The following SBDS variants were observed in gnomAD, a reference collection of about 807,000 sequenced individuals.
SBDS encodes SBDS ribosome maturation factor, also known as ribosome maturation protein SBDS.
In SBDS, 20 loss-of-function variants were observed where a neutral mutation model predicts 26.4. The ratio of observed to expected loss-of-function variants is 0.76; its 90% CI spans 0.53 to 1.10. SBDS has a LOEUF of 1.10. Among genes scored for constraint, SBDS ranks in the 50% least tolerant of loss-of-function variants. SBDS has a pLI of 0.00. For synonymous variants in SBDS, 95 were observed against 105.1 expected, an observed-to-expected ratio of 0.90 and a Z score of 0.59; for missense variants, 241 against 302.0, an observed-to-expected ratio of 0.80 and a Z score of 1.50.
At chr7:66,989,447 A>G (rs1407988877) in intron 4 of SBDS, among the ~76,000 whole-genome samples, 1 of 151,980 alleles carries the variant, frequency 6.6e-6, no homozygotes, top group Non-Finnish European at 1.5e-5. Flanking sequence ...CGGGAGGCTG[A>G]GGCAGGAGAA....
chr7:66,988,895 GTTAAT>G (rs1391800441), intron 4 of SBDS, among the ~76,000 whole-genome samples: 1 of 152,014 alleles, frequency 6.6e-6, no homozygotes, highest in Non-Finnish European at 1.5e-5. Context: ...CCATGTGTAT[GTTAAT>G]TTATTTTTTT....
At position 66,994,038 on chromosome 7, in the gene SBDS, A is replaced by AAC. The variant is rs760519120; in HGVS notation, c.258+173_258+174insGT. Among the ~76,000 whole-genome samples the AAC allele has an allele frequency of 1.2e-3, 184 of 148,086 alleles. 1 individual carries two copies. The highest frequency in any genetic ancestry group is 3.0e-3 in the East Asian group (15 of 4,988). ...TTTTGGCAAAAAAAAAAAAAAAAAA[A>AAC]CCACAAAAAACAAACAAAACCACCA... is the stretch of plus-strand genomic sequence containing the variant. On this transcript the variant is annotated intron_variant, in intron 2 of 4. Transcript: ENST00000246868.
chr7:66,993,476 T>G (rs1793019128), intron 2 of SBDS, 59 bp from the exon 3 acceptor site: 1 of 1,334,392 alleles, frequency 7.5e-7, no homozygotes, highest in African/African-American at 1.4e-5. Context: ...ACACTATTTA[T>G]TAACTAACCA....
At chr7:66,991,795 G>C (rs938176707) in intron 3 of SBDS, among the ~76,000 whole-genome samples, 3 of 152,052 alleles carry the variant, frequency 2.0e-5, no homozygotes, top group African/African-American at 7.2e-5. Context: ...CTCAAAAGAA[G>C]ACAGACGAGG....
chr7:66,990,266 C>T (rs1792947481), intron 4 of SBDS, among the ~76,000 whole-genome samples: 1 of 152,218 alleles, frequency 6.6e-6, no homozygotes, highest in Non-Finnish European at 1.5e-5. Context: ...GATCCACCTG[C>T]CTTGGCCTCC....
intron 4 of SBDS, among the ~76,000 whole-genome samples, chr7:66,989,365 G>C (rs1792929307): frequency 6.6e-6 from 1 of 151,784 alleles, no homozygotes. Flanking sequence ...GACCAACATG[G>C]AGAGACCCCG....
chr7:66,990,084 A>G (rs1289785942), intron 4 of SBDS, among the ~76,000 whole-genome samples: 1 of 151,512 alleles, frequency 6.6e-6, no homozygotes, highest in Non-Finnish European at 1.5e-5. Context: ...CAATGGTGCA[A>G]TCTTGGCTCA....
At chr7:66,988,754 C>T (rs536382991) in intron 4 of SBDS, among the ~76,000 whole-genome samples, 14 of 152,252 alleles carry the variant, frequency 9.2e-5, no homozygotes, top group Admixed American at 8.5e-4. Flanking sequence ...GATTCTTCAG[C>T]TGTAAATGGA....
At chr7:66,992,605 A>C (rs187746975) in intron 3 of SBDS, among the ~76,000 whole-genome samples, 59 of 152,246 alleles carry the variant, frequency 3.9e-4, no homozygotes, top group African/African-American at 1.2e-3. Context: ...ACTTGAAAAA[A>C]AAAAATTACC....
At chr7:66,994,376 A>G in intron 1 of SBDS, 35 bp from the exon 2 acceptor site, 1 of 1,604,740 alleles carries the variant, frequency 6.2e-7, no homozygotes, top group Non-Finnish European at 8.5e-7. Context: ...CTATGTGAAT[A>G]TACTTGAAAC....
In SBDS at chr7:66,994,263, T is replaced by C; in HGVS notation, c.207A>G (p.Glu69=). Residue 69 remains glutamate, a synonymous_variant, in exon 2 of 5, where the codon GAA becomes GAG. Transcript: ENST00000246868. ...CTGTTCCAAACGCACTGATGAGATC[T>C]TCCTTTTTGGCAACCTGACCTTTAG... ...NVSKGQVAKK[E]DLISAFGTDD... 1 of 1,614,202 alleles carries C rather than the reference T, an allele frequency of 6.2e-7. No individual in the cohort carries two copies. Among genetic ancestry groups the C allele is most frequent in the Non-Finnish European group, 8.5e-7 (1 of 1,180,018 alleles).
intron 3 of SBDS, among the ~76,000 whole-genome samples, chr7:66,992,759 G>C (rs1480844475): frequency 6.6e-6 from 1 of 151,904 alleles, no homozygotes; most frequent in African/African-American, 2.4e-5. Flanking sequence ...TGTAATCCCA[G>C]CACTTTGGGA....
At chr7:66,992,514 G>C (rs1320411426) in intron 3 of SBDS, among the ~76,000 whole-genome samples, 1 of 151,754 alleles carries the variant, frequency 6.6e-6, no homozygotes, top group Non-Finnish European at 1.5e-5. Context: ...GTGTTAAAAT[G>C]ACCCTTTAAA....
At chr7:66,992,202 G>T (rs958357075) in intron 3 of SBDS, among the ~76,000 whole-genome samples, 21 of 152,080 alleles carry the variant, frequency 1.4e-4, no homozygotes, top group South Asian at 4.1e-4. Context: ...GCTGATGCAG[G>T]TTACAACATG....
At chr7:66,994,512 T>G in intron 1 of SBDS, 171 bp from the exon 2 acceptor site, 1 of 651,684 alleles carries the variant, frequency 1.5e-6, no homozygotes, top group Non-Finnish European at 2.7e-6. Context: ...CCCCCGCCCC[T>G]AGATGGAATT....
At chr7:66,992,243 GATTCCATTTAT>G (rs1348040556) in intron 3 of SBDS, among the ~76,000 whole-genome samples, 1 of 152,074 alleles carries the variant, frequency 6.6e-6, no homozygotes, top group Non-Finnish European at 1.5e-5. Flanking sequence ...CATATTGTAT[GATTCCATTTAT>G]ATGAAATGTC....
In SBDS at chr7:66,988,441, G is replaced by C. The variant is rs773895668; in HGVS notation, c.683C>G (p.Thr228Ser). 6.2e-7 allele frequency: 1 copy of C among 1,613,816 alleles called. No individual in the cohort carries two copies. The highest frequency in any genetic ancestry group is 1.1e-5 in the South Asian group (1 of 91,082). ...TACTTCCAAAGAACCTTTGCCTTTA[G>C]TTTCCTTTTTTATTAGCTCATCAAT... ...REIDELIKKE[T>S]KGKGSLEVLN... is the part of the protein sequence containing the mutation. The change falls in exon 5 of 5, where the codon ACT becomes AGT. Residue 228 changes from threonine (T) to serine (S), a missense_variant. Transcript: ENST00000246868.
In SBDS at chr7:66,995,558, T is replaced by C. The variant is rs1357771379; in HGVS notation, c.-141A>G. ...ACCAGTGCGCGGCGCCGCGACTCAC[T>C]AGCTTCAGGCAGCCGTCACAGTGTG... On this transcript the variant is annotated 5_prime_UTR_variant, in exon 1 of 5. Transcript: ENST00000246868. The C allele has an allele frequency of 3.3e-6, 4 of 1,222,828 alleles. No individual in the cohort carries two copies. Among genetic ancestry groups the C allele is most frequent in the East Asian group, 5.0e-5 (2 of 40,012 alleles). 75.7% of individuals were successfully genotyped at this position (1,222,828 alleles called of 1,614,324 possible). A position where few individuals can be genotyped will look rare whatever the true frequency, so the allele number is the denominator to read the frequency against.
rs536606303 is a variant in SBDS, at chr7:66,995,364, T to C, written c.54A>G (p.Val18=). The C allele has an allele frequency of 1.2e-6, 2 of 1,614,160 alleles. No homozygotes were observed. Among genetic ancestry groups the C allele is most frequent in the African/African-American group, 2.7e-5 (2 of 75,076 alleles). Residue 18 remains valine, a synonymous_variant, in exon 1 of 5, where the codon GTA becomes GTG. Coordinates refer to ENST00000246868, the MANE Select transcript of SBDS (RefSeq NM_016038.4). ...AGCGCTTCCCGGCACGCTTCATCCG[T>C]ACCACGGCCACATTGGTTAGGCGGA... ...NQIRLTNVAV[V]RMKRAGKRFE...
Sources: allele counts gnomAD v4.1 joint callset (sites outside exome capture counted in the v4.1 genomes callset), GRCh38; gene constraint gnomAD v4.1.1; transcripts MANE v1.5; gene names NCBI Gene and HGNC (gene_info 2026-07-23, HGNC 2026-07-21).